RIGI: variants seen among roughly 807,000 people sequenced by gnomAD.
RIGI encodes RNA sensor RIG-I.
the RIGI span, among the ~76,000 whole-genome samples, chr9:32,461,118 C>T: frequency 9.3e-5 from 14 of 150,752 alleles, no homozygotes; most frequent in African/African-American, 3.2e-4. Context: ...TCATTAGAAA[C>T]GATGGAGGCT....
the RIGI span, among the ~76,000 whole-genome samples, chr9:32,525,787 T>C: frequency 1.0e-5 from 1 of 97,992 alleles, no homozygotes; most frequent in Non-Finnish European, 2.3e-5. Flanking sequence ...TTAGTGAAAA[T>C]AAATGAAACA....
the RIGI span, chr9:32,492,369 T>A: frequency 6.2e-7 from 1 of 1,613,680 alleles, no homozygotes. Context: ...AGTAGAGCTG[T>A]GAGGAGGGTA....
chr9:32,471,934 C>A, the RIGI span, among the ~76,000 whole-genome samples: 4 of 151,942 alleles, frequency 2.6e-5, no homozygotes, highest in Non-Finnish European at 5.9e-5. Context: ...AGGGTGATAA[C>A]TAGGGACTGA....
chr9:32,522,246 C>T, the RIGI span, among the ~76,000 whole-genome samples: 1 of 151,994 alleles, frequency 6.6e-6, no homozygotes, highest in Admixed American at 6.5e-5. Context: ...AGAATTTTTT[C>T]TTTTAAGCTC....
chr9:32,493,728 T>TTC, the RIGI span: 1 of 1,374,590 alleles, frequency 7.3e-7, no homozygotes, highest in Non-Finnish European at 1.0e-6. Flanking sequence ...TTATAATTAT[T>TTC]TCCCCCAATT....
At chr9:32,494,795 T>C in the RIGI span, among the ~76,000 whole-genome samples, 18 of 152,226 alleles carry the variant, frequency 1.2e-4, no homozygotes, top group Non-Finnish European at 2.4e-4. Context: ...TGTGACTGGC[T>C]TATTTCACTC....
chr9:32,459,285 A>G, the RIGI span: 97 of 1,436,718 alleles, frequency 6.8e-5, no homozygotes, highest in Non-Finnish European at 8.9e-5. Flanking sequence ...TGGAAATAAT[A>G]GTAGTTTTAT....
At chr9:32,462,331 C>T in the RIGI span, among the ~76,000 whole-genome samples, 1 of 147,118 alleles carries the variant, frequency 6.8e-6, no homozygotes, top group Non-Finnish European at 1.5e-5. Flanking sequence ...ACGGATCATA[C>T]ATAGATAATA....
At chr9:32,523,363 A>T in the RIGI span, among the ~76,000 whole-genome samples, 7 of 152,296 alleles carry the variant, frequency 4.6e-5, no homozygotes, top group Non-Finnish European at 1.0e-4. Flanking sequence ...TGCAGCCAAC[A>T]ATCTGATGAA....
At chr9:32,481,578 TTTTC>T in the RIGI span, 3 of 1,020,408 alleles carry the variant, frequency 2.9e-6, no homozygotes, top group East Asian at 2.7e-5. Context: ...CACCCTCTAA[TTTTC>T]TTTTTCTTTT....
At chr9:32,480,425 G>A in the RIGI span, 160 of 1,394,424 alleles carry the variant, frequency 1.1e-4, no homozygotes, top group Admixed American at 3.1e-4. Context: ...AGTTCAATTC[G>A]TTGTATTTAA....
chr9:32,484,331 G>T, the RIGI span, among the ~76,000 whole-genome samples: 1 of 152,150 alleles, frequency 6.6e-6, no homozygotes, highest in South Asian at 2.1e-4. Context: ...AAATTAAACT[G>T]TGAAAGAAAA....
chr9:32,488,888 C>T, the RIGI span: 6 of 1,594,298 alleles, frequency 3.8e-6, no homozygotes, highest in East Asian at 1.3e-4. Flanking sequence ...TTTCCACAAC[C>T]TTTTAACATG....
chr9:32,492,410 T>C, the RIGI span: 1 of 1,614,134 alleles, frequency 6.2e-7, no homozygotes, highest in Non-Finnish European at 8.5e-7. Flanking sequence ...CAATCCACAG[T>C]TCACTGAACT....
the RIGI span, among the ~76,000 whole-genome samples, chr9:32,498,071 A>G: frequency 6.6e-6 from 1 of 152,218 alleles, no homozygotes; most frequent in South Asian, 2.1e-4. Context: ...GCTGATTTCA[A>G]CCAACCTCCT....
chr9:32,468,910 C>G, the RIGI span, among the ~76,000 whole-genome samples: 1 of 152,208 alleles, frequency 6.6e-6, no homozygotes, highest in East Asian at 1.9e-4. Context: ...TTGTTTCTTT[C>G]TCCTGCTAGG....
At chr9:32,474,527 AC>A in the RIGI span, among the ~76,000 whole-genome samples, 1 of 152,104 alleles carries the variant, frequency 6.6e-6, no homozygotes, top group Admixed American at 6.5e-5. Flanking sequence ...CAAATTAGAC[AC>A]CCTCTATCTC....
the RIGI span, chr9:32,476,986 C>T: frequency 2.4e-5 from 39 of 1,612,332 alleles, no homozygotes; most frequent in Non-Finnish European, 3.2e-5. Flanking sequence ...AGCTTACGTC[C>T]ACAAGTGCTC....
At chr9:32,488,978 C>G in the RIGI span, 1 of 970,738 alleles carries the variant, frequency 1.0e-6, no homozygotes, top group East Asian at 2.8e-5. Flanking sequence ...TCTAATACCA[C>G]TGAGCTGACT....
Sources: allele counts gnomAD v4.1 joint callset (sites outside exome capture counted in the v4.1 genomes callset), GRCh38; gene constraint gnomAD v4.1.1; transcripts MANE v1.5; gene names NCBI Gene and HGNC (gene_info 2026-07-23, HGNC 2026-07-21).